Variants in PARD3 observed in about 807,000 individuals in gnomAD.
The protein encoded by PARD3 is par-3 family cell polarity regulator, also known as partitioning defective 3 homolog.
PARD3 carries 75 observed loss-of-function variants against 155.4 expected under a neutral mutation model. The observed-to-expected ratio is 0.48, with a 90% CI of 0.40 to 0.58. PARD3 has a LOEUF of 0.58. PARD3 is among the 20% of genes least tolerant of loss of function. PARD3 has a pLI of 0.00. For synonymous variants in PARD3, 576 were observed against 610.5 expected (o/e 0.94, Z 0.83); for missense variants, 1,642 against 1,721.7 (o/e 0.95, Z 0.82).
Position 34,331,119 on chromosome 10 carries a change from G to T in PARD3, c.2831C>A (p.Thr944Asn). 1.4e-5 allele frequency: 23 copies of T among 1,609,306 alleles called. No homozygotes were observed. Among genetic ancestry groups the T allele is most frequent in the Non-Finnish European group, 2.0e-5 (23 of 1,175,780 alleles). The stretch of plus-strand genomic sequence containing the variant: ...TCTTTCAGCCATTATAAACTTACAG[G>T]TCTCCATGCCTTCATCATCATCATC... ...AVDDDDEGMETLEEDTEESSR... is the reference protein window; with the variant it reads ...AVDDDDEGMENLEEDTEESSR... Residue 944 changes from threonine (T) to asparagine (N), a missense_variant and splice_region_variant, in exon 19 of 25, where the codon ACC becomes AAC. This residue lies in a region of PARD3 where 1,529 missense variants were observed against 1,587.3 expected (regional missense o/e 0.96). Coordinates refer to ENST00000374788, the MANE Select transcript of PARD3 (RefSeq NM_001184785.2).
chr10:34,258,892 T>C (rs940254703), intron 22 of PARD3, among the ~76,000 whole-genome samples: 8 of 152,034 alleles, frequency 5.3e-5, no homozygotes, highest in African/African-American at 1.9e-4. Flanking sequence ...CAAAACACAG[T>C]GAGACTCCGT....
chr10:34,138,158 C>T (rs1456421677), intron 22 of PARD3, among the ~76,000 whole-genome samples: 3 of 152,174 alleles, frequency 2.0e-5, no homozygotes, highest in African/African-American at 7.2e-5. Context: ...CGAGTTTTAC[C>T]ATGATCATTC....
chr10:34,643,912 G>A (rs988887177), intron 2 of PARD3, among the ~76,000 whole-genome samples: 2 of 152,178 alleles, frequency 1.3e-5, no homozygotes, highest in African/African-American at 4.8e-5. Context: ...GCGAGACCCT[G>A]TCTCCAAGTA....
At chr10:34,143,248 T>C (rs1460026028) in intron 22 of PARD3, among the ~76,000 whole-genome samples, 2 of 152,098 alleles carry the variant, frequency 1.3e-5, no homozygotes, top group East Asian at 1.9e-4. Context: ...GAGGTGGAGG[T>C]TGCAGTGACC....
chr10:34,226,389 A>C (rs774610325), intron 22 of PARD3, among the ~76,000 whole-genome samples: 2 of 152,210 alleles, frequency 1.3e-5, no homozygotes, highest in Non-Finnish European at 2.9e-5. Context: ...GTCTCTACTG[A>C]AAATACAAAA....
chr10:34,452,395 C>G (rs2077108238), intron 4 of PARD3, among the ~76,000 whole-genome samples: 1 of 152,142 alleles, frequency 6.6e-6, no homozygotes, highest in African/African-American at 2.4e-5. Flanking sequence ...TTTTCAACTC[C>G]TAATGAAATA....
intron 1 of PARD3, among the ~76,000 whole-genome samples, chr10:34,788,838 T>C (rs929269840): frequency 1.2e-4 from 19 of 152,172 alleles, no homozygotes; most frequent in African/African-American, 4.6e-4. Flanking sequence ...CATCACCTAC[T>C]GACCCAGGAG....
At position 34,110,951 on chromosome 10, in the gene PARD3, C is replaced by T; in HGVS notation, c.*218G>A. On this transcript the variant is annotated 3_prime_UTR_variant, in exon 25 of 25. Transcript: ENST00000374788. The stretch of plus-strand genomic sequence containing the variant: ...ATGAACACCTCAAACAGATGATTGT[C>T]ACAGGGTGGGAAATCCTTCCATGAA... 2.1e-6 allele frequency: 1 copy of T among 472,128 alleles called. No individual in the cohort carries two copies. Among genetic ancestry groups the T allele is most frequent in the Non-Finnish European group, 3.7e-6 (1 of 271,042 alleles). 29.2% of individuals were successfully genotyped at this position (472,128 alleles called of 1,614,324 possible).
At chr10:34,402,262 C>T (rs1843966004) in intron 5 of PARD3, among the ~76,000 whole-genome samples, 1 of 152,068 alleles carries the variant, frequency 6.6e-6, no homozygotes, top group Non-Finnish European at 1.5e-5. Context: ...TTACATATTA[C>T]TCCATTGTTA....
chr10:34,220,612 A>T (rs563009268), intron 22 of PARD3, among the ~76,000 whole-genome samples: 1 of 152,164 alleles, frequency 6.6e-6, no homozygotes, highest in Non-Finnish European at 1.5e-5. Flanking sequence ...CCCGAAATGC[A>T]ATGGAGGAAT....
chr10:34,689,609 T>C (rs1306693627), intron 2 of PARD3, among the ~76,000 whole-genome samples: 1 of 152,200 alleles, frequency 6.6e-6, no homozygotes, highest in Non-Finnish European at 1.5e-5. Context: ...ATTTCACCTA[T>C]TAATGTTTAA....
chr10:34,655,988 C>A (rs1023058342), intron 2 of PARD3, among the ~76,000 whole-genome samples: 2 of 152,096 alleles, frequency 1.3e-5, no homozygotes, highest in African/African-American at 4.8e-5. Context: ...TAATCGTGTT[C>A]TTCAACGTGA....
chr10:34,512,284 AAAT>A (rs1341639970), intron 3 of PARD3, among the ~76,000 whole-genome samples: 5 of 152,364 alleles, frequency 3.3e-5, no homozygotes, highest in African/African-American at 9.6e-5. Flanking sequence ...TAAGGTTTCC[AAAT>A]AATAAGATGG....
chr10:34,679,193 T>C (rs2093765475), intron 2 of PARD3, among the ~76,000 whole-genome samples: 1 of 152,112 alleles, frequency 6.6e-6, no homozygotes, highest in African/African-American at 2.4e-5. Flanking sequence ...GGGGAACACA[T>C]TCCACCACCT....
chr10:34,225,471 A>C (rs747475570), intron 22 of PARD3, among the ~76,000 whole-genome samples: 41 of 151,876 alleles, frequency 2.7e-4, no homozygotes, highest in Non-Finnish European at 5.1e-4. Context: ...TCAGCCTCCC[A>C]AGTAGCTAGG....
chr10:34,426,050 TAAAGA>T (rs750832627), intron 5 of PARD3, among the ~76,000 whole-genome samples: 7 of 152,172 alleles, frequency 4.6e-5, no homozygotes, highest in Non-Finnish European at 8.8e-5. Flanking sequence ...GAGTCAATAC[TAAAGA>T]AATATTTAAC....
At chr10:34,362,089 G>T (rs904230302) in intron 12 of PARD3, among the ~76,000 whole-genome samples, 39 of 152,304 alleles carry the variant, frequency 2.6e-4, no homozygotes, top group Non-Finnish European at 4.4e-4. Flanking sequence ...CACGAGGTCA[G>T]GAGATCGAGA....
chr10:34,481,387 T>C (rs1225930885), intron 3 of PARD3, among the ~76,000 whole-genome samples: 1 of 152,168 alleles, frequency 6.6e-6, no homozygotes, highest in Non-Finnish European at 1.5e-5. Flanking sequence ...TCTCTCTTCC[T>C]GCCTCTCAGG....
At chr10:34,473,163 C>A (rs1422526073) in intron 3 of PARD3, among the ~76,000 whole-genome samples, 1 of 152,202 alleles carries the variant, frequency 6.6e-6, no homozygotes, top group Non-Finnish European at 1.5e-5. Context: ...CTCTATCATG[C>A]AGCCCTTCTT....
Sources: allele counts gnomAD v4.1 joint callset (sites outside exome capture counted in the v4.1 genomes callset), GRCh38; gene constraint gnomAD v4.1.1; regional missense constraint gnomAD v4.1.1; transcripts MANE v1.5; gene names NCBI Gene and HGNC (gene_info 2026-07-23, HGNC 2026-07-21).